SYN2: variants seen among roughly 807,000 people sequenced by gnomAD.
SYN2 encodes the protein synapsin II, also known as synapsin-2.
A neutral mutation model predicts 50.9 loss-of-function variants in SYN2; 19 were observed. That is an observed-to-expected ratio of 0.37 (90% confidence interval 0.26 to 0.55). The LOEUF is 0.55. Among genes scored for constraint, SYN2 ranks in the 20% least tolerant of loss-of-function variants. The probability of loss-of-function intolerance (pLI) is 0.81; values close to 1 mark genes in which losing one functional copy is unlikely to be tolerated. For synonymous variants in SYN2, 255 were observed against 224.9 expected (o/e 1.13, Z -1.20); for missense variants, 587 against 576.4 (o/e 1.02, Z -0.19).
At chr3:12,146,578 A>G (rs1326888256) in intron 4 of SYN2, among the ~76,000 whole-genome samples, 4 of 152,254 alleles carry the variant, frequency 2.6e-5, no homozygotes, top group Admixed American at 2.0e-4. Context: ...CCCAAAAAGG[A>G]TTAAGTAACT....
intron 1 of SYN2, among the ~76,000 whole-genome samples, chr3:12,008,159 G>A (rs960001296): frequency 1.3e-5 from 2 of 152,126 alleles, no homozygotes; most frequent in African/African-American, 2.4e-5. Context: ...GAAGAGATAC[G>A]TTTTCTCTCA....
At chr3:12,040,780 A>G (rs1410091571) in intron 1 of SYN2, among the ~76,000 whole-genome samples, 3 of 152,226 alleles carry the variant, frequency 2.0e-5, no homozygotes, top group Non-Finnish European at 4.4e-5. Flanking sequence ...GGATAGTGGA[A>G]GAGGACTAAG....
In SYN2 at chr3:12,169,822, A is replaced by G. The variant is rs569945788; in HGVS notation, c.1224A>G (p.Glu408=). 2.5e-6 allele frequency: 4 copies of G among 1,613,916 alleles called. No homozygotes were observed. The South Asian group carries it at 4.4e-5, about 18-fold the overall frequency. Reference sequence around the variant, plus strand: ...TGGAGGACAGGCAACTCATCACCGAACTAGTCATCAGCAAGATGAACCAGC... The same window carrying G: ...TGGAGGACAGGCAACTCATCACCGAGCTAGTCATCAGCAAGATGAACCAGC... The part of the protein sequence containing the change: ...HQVEDRQLIT[E]LVISKMNQLL... The change falls in exon 10 of 13, where the codon GAA becomes GAG. Residue 408 remains glutamate (E), a synonymous_variant. Transcript: ENST00000621198.
chr3:12,104,770 T>G (rs1696149573), intron 1 of SYN2, among the ~76,000 whole-genome samples: 2 of 151,926 alleles, frequency 1.3e-5, no homozygotes, highest in African/African-American at 4.8e-5. Flanking sequence ...AGATGGAGTT[T>G]CACCATGTTG....
chr3:12,009,773 A>G (rs1052271853), intron 1 of SYN2, among the ~76,000 whole-genome samples: 2 of 152,188 alleles, frequency 1.3e-5, no homozygotes, highest in East Asian at 3.8e-4. Flanking sequence ...GTGTTCATTT[A>G]TGTTATTGTT....
intron 11 of SYN2, chr3:12,185,546 T>G: frequency 3.0e-6 from 3 of 985,896 alleles, no homozygotes; most frequent in Non-Finnish European, 3.6e-6. Context: ...GGGGGACATC[T>G]GTGTCACAGT....
chr3:12,095,671 C>T (rs1230057355), intron 1 of SYN2, among the ~76,000 whole-genome samples: 1 of 143,648 alleles, frequency 7.0e-6, no homozygotes, highest in African/African-American at 2.6e-5. Flanking sequence ...ACCATTCCTT[C>T]TTCTTTCCCC....
At chr3:12,069,909 C>T (rs1454462026) in intron 1 of SYN2, among the ~76,000 whole-genome samples, 5 of 151,590 alleles carry the variant, frequency 3.3e-5, no homozygotes, top group African/African-American at 1.2e-4. Flanking sequence ...CAGGCTCAGT[C>T]AATCCTCCCA....
At chr3:12,051,297 G>T (rs1694857682) in intron 1 of SYN2, among the ~76,000 whole-genome samples, 2 of 151,672 alleles carry the variant, frequency 1.3e-5, no homozygotes, top group Admixed American at 6.6e-5. Context: ...GGGGAAATGT[G>T]TCAATTTCTT....
intron 1 of SYN2, among the ~76,000 whole-genome samples, chr3:12,033,481 A>G (rs1694426259): frequency 6.8e-6 from 1 of 146,316 alleles, no homozygotes; most frequent in Admixed American, 7.0e-5. Context: ...ACGAGAGACT[A>G]ATACAATATG....
At chr3:12,066,209 G>A (rs79086605) in intron 1 of SYN2, among the ~76,000 whole-genome samples, 3,472 of 152,214 alleles carry the variant, frequency 0.023, 147 homozygotes, top group African/African-American at 0.079. Context: ...ATCAATATTG[G>A]CTTGTTAATT....
chr3:12,006,084 A>G (rs1693797019), intron 1 of SYN2, among the ~76,000 whole-genome samples: 1 of 151,320 alleles, frequency 6.6e-6, no homozygotes, highest in Non-Finnish European at 1.5e-5. Flanking sequence ...CCACAGAGCT[A>G]TTTCTCTCCA....
chr3:12,041,439 A>G lies in SYN2; in HGVS notation c.377+36511A>G, dbSNP rs543487163. ...CCAAGCTGTTTTTCTGCCATGAGAAATATGAACTGGAAGATTCTACACAAT... is the reference window on the plus strand; with the variant it reads ...CCAAGCTGTTTTTCTGCCATGAGAAGTATGAACTGGAAGATTCTACACAAT... On this transcript the variant is annotated intron_variant, in intron 1 of 12. Coordinates refer to ENST00000621198, the MANE Select transcript of SYN2 (RefSeq NM_133625.6). 7.9e-5 allele frequency among the ~76,000 whole-genome samples: 12 copies of G among 152,206 alleles called. 1 individual carries two copies. Among genetic ancestry groups the G allele is most frequent in the Admixed American group, 5.2e-4 (8 of 15,284 alleles).
intron 1 of SYN2, among the ~76,000 whole-genome samples, chr3:12,065,608 C>G (rs1301065870): frequency 6.6e-6 from 1 of 152,038 alleles, no homozygotes; most frequent in African/African-American, 2.4e-5. Flanking sequence ...AACAGAAAAC[C>G]AAATACTGCA....
intron 7 of SYN2, 102 bp downstream of exon 7, chr3:12,162,256 C>T: frequency 6.9e-7 from 1 of 1,454,596 alleles, no homozygotes; most frequent in East Asian, 2.4e-5. Flanking sequence ...CCACTTAAGT[C>T]AGAGATTTTT....
At chr3:12,179,374 G>GAAA (rs536283283) in intron 10 of SYN2, among the ~76,000 whole-genome samples, 219 of 92,476 alleles carry the variant, frequency 2.4e-3, no homozygotes, top group Middle Eastern at 6.3e-3. Context: ...AGAACTGAAA[G>GAAA]AAAAAAAAAA....
chr3:12,090,659 T>A (rs1695807017), intron 1 of SYN2, among the ~76,000 whole-genome samples: 2 of 152,196 alleles, frequency 1.3e-5, no homozygotes, highest in Admixed American at 6.6e-5. Flanking sequence ...AAGTCATCTG[T>A]AATGACATCA....
At chr3:12,075,618 T>C (rs940434480) in intron 1 of SYN2, among the ~76,000 whole-genome samples, 13 of 152,100 alleles carry the variant, frequency 8.5e-5, no homozygotes, top group African/African-American at 2.9e-4. Flanking sequence ...GAAAATTAAA[T>C]CTTCAGGGTC....
intron 1 of SYN2, among the ~76,000 whole-genome samples, chr3:12,077,690 C>G (rs1166932706): frequency 1.3e-5 from 2 of 152,062 alleles, no homozygotes; most frequent in Non-Finnish European, 2.9e-5. Flanking sequence ...ATGGTGTATA[C>G]GTACCACATT....
Sources: allele counts gnomAD v4.1 joint callset (sites outside exome capture counted in the v4.1 genomes callset), GRCh38; gene constraint gnomAD v4.1.1; transcripts MANE v1.5; gene names NCBI Gene and HGNC (gene_info 2026-07-23, HGNC 2026-07-21).